ZNF618: variants seen among roughly 807,000 people sequenced by gnomAD.
ZNF618 encodes the protein zinc finger protein 618.
Under a neutral mutation model 103.0 loss-of-function variants are expected in ZNF618, and 34 were observed. The observed-to-expected ratio is 0.33, with a 90% CI of 0.25 to 0.44. The LOEUF is 0.44. Ranked by LOEUF, ZNF618 falls within the 20% of genes least tolerant of loss-of-function variation. The probability of loss-of-function intolerance (pLI) is 1.00; values close to 1 mark genes in which losing one functional copy is unlikely to be tolerated. For synonymous variants in ZNF618, 551 were observed against 542.2 expected (o/e 1.02, Z -0.23); for missense variants, 1,059 against 1,295.4 (o/e 0.82, Z 2.80).
intron 2 of ZNF618, among the ~76,000 whole-genome samples, chr9:113,987,405 CTCTTCAGAACTGACA>C (rs1839588018): frequency 6.6e-6 from 1 of 152,186 alleles, no homozygotes; most frequent in Non-Finnish European, 1.5e-5. Flanking sequence ...ACGCCCTGCC[CTCTTCAGAACTGACA>C]TCATTACCTC....
chr9:113,954,396 A>G (rs940879825), intron 1 of ZNF618, among the ~76,000 whole-genome samples: 1 of 152,198 alleles, frequency 6.6e-6, no homozygotes, highest in Non-Finnish European at 1.5e-5. Context: ...CTGGAGTTAC[A>G]ATATGCTAGA....
intron 1 of ZNF618, among the ~76,000 whole-genome samples, chr9:113,910,277 G>C (rs1483825559): frequency 6.6e-6 from 1 of 152,124 alleles, no homozygotes; most frequent in Non-Finnish European, 1.5e-5. Flanking sequence ...CTCCATTTCT[G>C]GCCTCTAAGT....
intron 12 of ZNF618, among the ~76,000 whole-genome samples, chr9:114,033,207 C>T (rs558676257): frequency 8.5e-5 from 13 of 152,220 alleles, no homozygotes; most frequent in African/African-American, 2.4e-4. Context: ...GTCAGGAGTT[C>T]GAGACCAACC....
At chr9:113,957,443 G>T (rs1044787991) in intron 1 of ZNF618, among the ~76,000 whole-genome samples, 3 of 152,164 alleles carry the variant, frequency 2.0e-5, no homozygotes, top group Non-Finnish European at 4.4e-5. Context: ...TTTCTGAGAG[G>T]CCATCAGTCC....
intron 14 of ZNF618, 106 bp from the exon 15 acceptor site, chr9:114,048,545 A>G: frequency 1.7e-6 from 2 of 1,208,680 alleles, no homozygotes; most frequent in Non-Finnish European, 2.3e-6. Flanking sequence ...AAGAGGAAAT[A>G]TATTTGCCAT....
Position 114,034,031 on chromosome 9 carries a change from G to A in ZNF618, c.1168+1303G>A, listed in dbSNP as rs1003231719. ...TAGCTGGTGACTTAGGCTAGTCTCTGAATTCCTCCTCTGCTGTAAAGTGGC... is the reference window on the plus strand; with the variant it reads ...TAGCTGGTGACTTAGGCTAGTCTCTAAATTCCTCCTCTGCTGTAAAGTGGC... On this transcript the variant is annotated intron_variant, in intron 12 of 14. Coordinates refer to ENST00000374126, the MANE Select transcript of ZNF618 (RefSeq NM_001318042.2). 2.0e-5 allele frequency among the ~76,000 whole-genome samples: 3 copies of A among 152,214 alleles called. No individual in the cohort carries two copies. In the East Asian group the frequency reaches 5.8e-4, roughly 29 times the overall value.
chr9:114,003,578 T>C (rs1004323056), intron 6 of ZNF618, among the ~76,000 whole-genome samples: 2 of 152,084 alleles, frequency 1.3e-5, no homozygotes, highest in Non-Finnish European at 2.9e-5. Context: ...TCACAAACAA[T>C]GGTGAGCAAA....
chr9:113,893,289 G>T (rs1304425571), intron 1 of ZNF618, among the ~76,000 whole-genome samples: 4 of 152,336 alleles, frequency 2.6e-5, no homozygotes, highest in South Asian at 2.1e-4. Context: ...TCTTTCCCTA[G>T]GGACTATATA....
At chr9:113,907,658 C>G (rs77769128) in intron 1 of ZNF618, among the ~76,000 whole-genome samples, 1 of 152,194 alleles carries the variant, frequency 6.6e-6, no homozygotes, top group Non-Finnish European at 1.5e-5. Context: ...AGGACCCCCC[C>G]GCATGAGAGG....
chr9:114,016,630 C>A, intron 9 of ZNF618, 65 bp from the exon 10 acceptor site: 1 of 1,295,460 alleles, frequency 7.7e-7, no homozygotes, highest in Non-Finnish European at 1.1e-6. Flanking sequence ...GGGGTGGGAG[C>A]ACGCTGATGC....
chr9:113,925,844 C>G (rs1833038879), intron 1 of ZNF618, among the ~76,000 whole-genome samples: 1 of 152,040 alleles, frequency 6.6e-6, no homozygotes, highest in Admixed American at 6.5e-5. Context: ...TTCATTTATC[C>G]ACATGGTATA....
chr9:113,988,280 C>G lies in ZNF618; in HGVS notation c.78-41C>G, dbSNP rs781606985. 5.7e-6 allele frequency: 9 copies of G among 1,578,440 alleles called. No individual in the cohort carries two copies. In the African/African-American group the frequency reaches 1.2e-4, roughly 21 times the overall value. On this transcript the variant is annotated intron_variant, in intron 2 of 14. Coordinates refer to ENST00000374126, the MANE Select transcript of ZNF618 (RefSeq NM_001318042.2). ...TGGGCTGGTGGGCTCCTGTGTTGAT[C>G]TGGAGGAAGAAGGTATTGAACGGAG...
At chr9:113,879,182 G>T (rs1359376715) in intron 1 of ZNF618, among the ~76,000 whole-genome samples, 1 of 150,738 alleles carries the variant, frequency 6.6e-6, no homozygotes, top group Non-Finnish European at 1.5e-5. Context: ...GTGGAGGGGG[G>T]TAGGGGCATC....
chr9:113,913,264 G>A (rs574354844), intron 1 of ZNF618, among the ~76,000 whole-genome samples: 14 of 152,342 alleles, frequency 9.2e-5, no homozygotes, highest in African/African-American at 3.1e-4. Context: ...GGCTCACAGG[G>A]TTGAAGCGAT....
At chr9:114,016,227 G>T (rs1277199755) in intron 9 of ZNF618, 1 of 1,526,452 alleles carries the variant, frequency 6.6e-7, no homozygotes, top group Non-Finnish European at 9.1e-7. Flanking sequence ...TGCTGCTAGT[G>T]GGTGGGGGGT....
At chr9:114,021,067 G>C (rs755497896) in intron 10 of ZNF618, among the ~76,000 whole-genome samples, 5 of 151,514 alleles carry the variant, frequency 3.3e-5, no homozygotes, top group Non-Finnish European at 7.4e-5. Context: ...TCTTTTGTTA[G>C]TACTGGTGAA....
chr9:114,036,429 T>C (rs549940845), intron 13 of ZNF618, 52 bp downstream of exon 13: 2 of 1,537,352 alleles, frequency 1.3e-6, no homozygotes, highest in African/African-American at 2.7e-5. Context: ...TCCTGCAAAT[T>C]GAAGAGATGG....
intron 13 of ZNF618, among the ~76,000 whole-genome samples, chr9:114,037,096 G>A (rs1588427895): frequency 1.3e-5 from 2 of 152,198 alleles, no homozygotes; most frequent in South Asian, 2.1e-4. Context: ...ATTTCACCAC[G>A]GCATAACACA....
intron 10 of ZNF618, among the ~76,000 whole-genome samples, chr9:114,022,524 A>T (rs1381112487): frequency 2.0e-5 from 3 of 148,714 alleles, no homozygotes; most frequent in African/African-American, 7.4e-5. Flanking sequence ...TGTATTTTCC[A>T]GTCTTCAAAA....
Sources: gnomAD v4.1 joint callset for allele counts (sites outside exome capture counted in the v4.1 genomes callset) on GRCh38, gnomAD v4.1.1 for gene constraint, MANE v1.5 for transcripts, NCBI Gene and HGNC (gene_info 2026-07-23, HGNC 2026-07-21) for gene names.